THSD7B: variants seen among roughly 807,000 people sequenced by gnomAD.
THSD7B encodes the protein thrombospondin type-1 domain-containing protein 7B.
THSD7B carries 138 observed loss-of-function variants against 213.6 expected under a neutral mutation model. The observed-to-expected ratio is 0.65, with a 90% CI of 0.56 to 0.74. The LOEUF is 0.74. THSD7B is among the 30% of genes least tolerant of loss of function. THSD7B has a pLI of 0.00. For synonymous variants in THSD7B, 742 were observed against 687.0 expected (o/e 1.08, Z -1.25); for missense variants, 1,931 against 1,991.5 (o/e 0.97, Z 0.58).
At chr2:137,151,598 G>A (rs1679820927) in intron 5 of THSD7B, among the ~76,000 whole-genome samples, 1 of 151,898 alleles carries the variant, frequency 6.6e-6, no homozygotes. Context: ...GCCTGAGGCT[G>A]TTTTACAGTT....
chr2:136,961,847 A>G (rs1685225251), intron 2 of THSD7B, among the ~76,000 whole-genome samples: 1 of 152,200 alleles, frequency 6.6e-6, no homozygotes, highest in African/African-American at 2.4e-5. Context: ...TAACTTTAAG[A>G]ATATAAAATG....
chr2:136,944,698 G>T (rs1573725486), intron 2 of THSD7B, among the ~76,000 whole-genome samples: 1 of 145,166 alleles, frequency 6.9e-6, no homozygotes. Context: ...CATAAACTAG[G>T]ATTGCAACCC....
At chr2:137,369,190 T>A (rs1685491153) in intron 12 of THSD7B, among the ~76,000 whole-genome samples, 1 of 151,986 alleles carries the variant, frequency 6.6e-6, no homozygotes, top group East Asian at 1.9e-4. Context: ...TTAGACACTA[T>A]TTGGCATTGC....
At chr2:137,345,924 A>G (rs1218265854) in intron 12 of THSD7B, among the ~76,000 whole-genome samples, 1 of 151,632 alleles carries the variant, frequency 6.6e-6, no homozygotes, top group Admixed American at 6.6e-5. Flanking sequence ...TATTTAAAAA[A>G]TATTTGCACC....
At chr2:136,840,965 G>C (rs531404625) in intron 1 of THSD7B, among the ~76,000 whole-genome samples, 22 of 152,028 alleles carry the variant, frequency 1.4e-4, no homozygotes, top group Non-Finnish European at 2.9e-4. Flanking sequence ...CAAAGGAGAG[G>C]GAATATATTT....
At chr2:137,282,630 C>T (rs1683055336) in intron 12 of THSD7B, among the ~76,000 whole-genome samples, 1 of 152,128 alleles carries the variant, frequency 6.6e-6, no homozygotes, top group Admixed American at 6.5e-5. Context: ...TATGGCTAGC[C>T]AGTTTTCCCA....
chr2:137,145,527 A>G (rs1679678351), intron 5 of THSD7B, among the ~76,000 whole-genome samples: 1 of 152,008 alleles, frequency 6.6e-6, no homozygotes, highest in Non-Finnish European at 1.5e-5. Flanking sequence ...AATTGAGTTC[A>G]TTATTGTAAA....
chr2:137,093,011 C>CT (rs372812647), intron 3 of THSD7B, among the ~76,000 whole-genome samples: 1 of 152,244 alleles, frequency 6.6e-6, no homozygotes, highest in East Asian at 1.9e-4. Flanking sequence ...AACATTGACC[C>CT]TTTTTTTAGT....
intron 7 of THSD7B, among the ~76,000 whole-genome samples, chr2:137,196,661 A>G (rs570690873): frequency 5.1e-4 from 77 of 152,234 alleles, no homozygotes; most frequent in African/African-American, 1.9e-3. Flanking sequence ...TTGCCTTCTG[A>G]TAGTTCACTG....
chr2:137,420,127 A>G (rs950607690), intron 14 of THSD7B, among the ~76,000 whole-genome samples: 1 of 152,068 alleles, frequency 6.6e-6, no homozygotes, highest in African/African-American at 2.4e-5. Flanking sequence ...TGTCTTTTAG[A>G]TAAAAGCCAT....
intron 2 of THSD7B, among the ~76,000 whole-genome samples, chr2:136,957,707 T>C (rs1685151206): frequency 6.6e-6 from 1 of 152,156 alleles, no homozygotes; most frequent in African/African-American, 2.4e-5. Flanking sequence ...TGTGGATAAA[T>C]GTGAAAAGTT....
chr2:137,008,890 G>A (rs1280503447), intron 2 of THSD7B, among the ~76,000 whole-genome samples: 1 of 152,100 alleles, frequency 6.6e-6, no homozygotes, highest in Non-Finnish European at 1.5e-5. Context: ...ACAAACTACA[G>A]TGTAATTTCT....
At chr2:137,593,262 C>A (rs1418728095) in intron 17 of THSD7B, among the ~76,000 whole-genome samples, 1 of 151,668 alleles carries the variant, frequency 6.6e-6, no homozygotes, top group East Asian at 1.9e-4. Context: ...AATATCTGCA[C>A]CCATTTCTCT....
chr2:137,539,870 T>A (rs1431973464), intron 15 of THSD7B, among the ~76,000 whole-genome samples: 1 of 151,648 alleles, frequency 6.6e-6, no homozygotes, highest in Non-Finnish European at 1.5e-5. Context: ...AGCACTGTCT[T>A]CCCAATTCAT....
intron 27 of THSD7B, among the ~76,000 whole-genome samples, chr2:137,669,683 G>C (rs1288157716): frequency 6.6e-6 from 1 of 152,060 alleles, no homozygotes; most frequent in Non-Finnish European, 1.5e-5. Flanking sequence ...AAGGTAATTA[G>C]ATAGTCTATC....
intron 2 of THSD7B, among the ~76,000 whole-genome samples, chr2:137,048,608 T>C (rs906033939): frequency 1.3e-5 from 2 of 152,230 alleles, no homozygotes; most frequent in Non-Finnish European, 2.9e-5. Context: ...AATGAAATGT[T>C]TGCATGCTCT....
chr2:136,873,581 G>A (rs999623590), intron 1 of THSD7B, among the ~76,000 whole-genome samples: 7 of 152,172 alleles, frequency 4.6e-5, no homozygotes, highest in Non-Finnish European at 7.4e-5. Flanking sequence ...ATGGCACAAA[G>A]TCACAAGATT....
chr2:137,529,803 C>A (rs1206945835), intron 15 of THSD7B, among the ~76,000 whole-genome samples: 1 of 151,848 alleles, frequency 6.6e-6, no homozygotes, highest in Non-Finnish European at 1.5e-5. Context: ...GTAGGGACAT[C>A]TGGGTTTGTA....
intron 15 of THSD7B, among the ~76,000 whole-genome samples, chr2:137,456,510 C>G (rs1004355132): frequency 6.6e-6 from 1 of 152,210 alleles, no homozygotes; most frequent in East Asian, 1.9e-4. Flanking sequence ...CAGCCCGACT[C>G]TCTGATCCTG....
Sources: gnomAD v4.1 joint callset for allele counts (sites outside exome capture counted in the v4.1 genomes callset) on GRCh38, gnomAD v4.1.1 for gene constraint, MANE v1.5 for transcripts, NCBI Gene and HGNC (gene_info 2026-07-23, HGNC 2026-07-21) for gene names.